MEF2A: variants seen among roughly 807,000 people sequenced by gnomAD.
MEF2A encodes the protein myocyte enhancer factor 2A.
Under a neutral mutation model 55.8 loss-of-function variants are expected in MEF2A, and 28 were observed. That is an observed-to-expected ratio of 0.50 (90% CI 0.37 to 0.69). MEF2A has a LOEUF of 0.69. Among genes scored for constraint, MEF2A ranks in the 30% least tolerant of loss-of-function variants. The pLI, the probability that MEF2A is intolerant of heterozygous loss-of-function variation, is 0.00. For synonymous variants in MEF2A, 239 were observed against 227.1 expected (o/e 1.05, Z -0.47); for missense variants, 528 against 626.2 (o/e 0.84, Z 1.67).
chr15:99,659,880 T>C (rs1244866453), intron 4 of MEF2A, among the ~76,000 whole-genome samples: 3 of 152,168 alleles, frequency 2.0e-5, no homozygotes, highest in Non-Finnish European at 4.4e-5. Context: ...ATTTAACAAA[T>C]GTAATAAAGA....
intron 7 of MEF2A, among the ~76,000 whole-genome samples, chr15:99,687,635 G>T (rs944329286): frequency 6.6e-6 from 1 of 152,096 alleles, no homozygotes; most frequent in African/African-American, 2.4e-5. Context: ...ATTTCAGACT[G>T]CTCAGTAGTT....
intron 4 of MEF2A, among the ~76,000 whole-genome samples, chr15:99,658,699 GCTATTTCCA>G (rs2048146303): frequency 6.6e-6 from 1 of 152,154 alleles, no homozygotes; most frequent in South Asian, 2.1e-4. Context: ...TCAAAAGAGT[GCTATTTCCA>G]AATAACAAAT....
At chr15:99,601,835 G>T (rs945330658) in intron 2 of MEF2A, among the ~76,000 whole-genome samples, 8 of 127,080 alleles carry the variant, frequency 6.3e-5, no homozygotes, top group African/African-American at 1.8e-4. Context: ...GTGTGTGTGT[G>T]TGTGTGTGTG....
At position 99,715,106 on chromosome 15, in the gene MEF2A, C is replaced by T. The variant is rs914962419; in HGVS notation, c.*2335C>T. On this transcript the variant is annotated 3_prime_UTR_variant, in exon 12 of 12. Coordinates refer to ENST00000557942, the MANE Select transcript of MEF2A (RefSeq NM_001319206.4). ...TACTTTACTGAACTACTTACAGGCA[C>T]ATTTCTTCATAAGGCCACACCTAAT... is the stretch of plus-strand genomic sequence containing the variant. 3 of 152,216 alleles carry T rather than the reference C, an allele frequency of 2.0e-5. No homozygotes were observed. Among genetic ancestry groups the T allele is most frequent in the East Asian group, 1.9e-4 (1 of 5,200 alleles). 9.4% of individuals were successfully genotyped at this position (152,216 alleles called of 1,614,324 possible). A position where few individuals can be genotyped will look rare whatever the true frequency, so the allele number is the denominator to read the frequency against.
At chr15:99,667,024 TTAATC>T (rs1258911719) in intron 4 of MEF2A, among the ~76,000 whole-genome samples, 18 of 152,190 alleles carry the variant, frequency 1.2e-4, no homozygotes, top group Non-Finnish European at 2.2e-4. Context: ...CGAATACAGA[TTAATC>T]AAATATTTTT....
chr15:99,709,279 T>C (rs1427822297), intron 10 of MEF2A, among the ~76,000 whole-genome samples: 1 of 152,200 alleles, frequency 6.6e-6, no homozygotes, highest in Non-Finnish European at 1.5e-5. Context: ...CCCATGGGCT[T>C]CTGCACGAGC....
intron 2 of MEF2A, among the ~76,000 whole-genome samples, chr15:99,609,847 A>G (rs1327159113): frequency 1.3e-4 from 20 of 152,254 alleles, no homozygotes; most frequent in African/African-American, 4.8e-5. Flanking sequence ...TTTTATTTAT[A>G]TATTTTATAA....
chr15:99,588,244 G>A (rs1176163441), intron 1 of MEF2A, among the ~76,000 whole-genome samples: 2 of 151,972 alleles, frequency 1.3e-5, no homozygotes, highest in African/African-American at 4.8e-5. Context: ...AGCCTCCTAA[G>A]TATTTGGGAC....
chr15:99,584,832 T>C (rs1361738215), intron 1 of MEF2A, among the ~76,000 whole-genome samples: 1 of 152,218 alleles, frequency 6.6e-6, no homozygotes, highest in East Asian at 1.9e-4. Context: ...TTTAAATGGG[T>C]GAATTGTATG....
intron 2 of MEF2A, among the ~76,000 whole-genome samples, chr15:99,610,468 G>A (rs1463860276): frequency 1.7e-5 from 2 of 116,886 alleles, no homozygotes; most frequent in Non-Finnish European, 3.2e-5. Flanking sequence ...AAACTCATAC[G>A]GAAATTGAAG....
At chr15:99,646,589 G>T (rs796118562) in intron 4 of MEF2A, among the ~76,000 whole-genome samples, 1 of 152,064 alleles carries the variant, frequency 6.6e-6, no homozygotes, top group African/African-American at 2.4e-5. Context: ...TTTCTTTGGT[G>T]AAAGTACTGA....
At chr15:99,604,034 A>G (rs1974237035) in intron 2 of MEF2A, among the ~76,000 whole-genome samples, 1 of 152,224 alleles carries the variant, frequency 6.6e-6, no homozygotes, top group South Asian at 2.1e-4. Context: ...GTTTCTGACA[A>G]AAAGTCTGCT....
chr15:99,596,642 T>C lies in MEF2A; in HGVS notation c.-224-1788T>C, dbSNP rs185191117. Among the ~76,000 whole-genome samples the C allele has an allele frequency of 3.3e-5, 5 of 152,326 alleles. No individual in the cohort carries two copies. In the East Asian group the frequency reaches 7.7e-4, roughly 23 times the overall value. On this transcript the variant is annotated intron_variant, in intron 1 of 11. Transcript: ENST00000557942. ...TTGATGAAATGGATTTACTTGGGGA[T>C]TGGTTGAATCACCGGATCATGCAAT...
chr15:99,663,316 A>G (rs71403456), intron 4 of MEF2A, among the ~76,000 whole-genome samples: 6,845 of 152,238 alleles, frequency 0.045, 170 homozygotes, highest in African/African-American at 0.059. Flanking sequence ...ACAGATGCCA[A>G]AGATTATAGT....
chr15:99,693,396 C>G (rs1390390573), intron 8 of MEF2A, among the ~76,000 whole-genome samples: 6 of 152,032 alleles, frequency 3.9e-5, no homozygotes, highest in Non-Finnish European at 7.4e-5. Context: ...AGGATAATTA[C>G]TACTGCCAAC....
intron 7 of MEF2A, among the ~76,000 whole-genome samples, chr15:99,677,487 T>A (rs1401439876): frequency 6.6e-6 from 1 of 151,968 alleles, no homozygotes; most frequent in Non-Finnish European, 1.5e-5. Context: ...AATACAAGAA[T>A]TAAGAAACTA....
intron 1 of MEF2A, among the ~76,000 whole-genome samples, chr15:99,589,052 A>G (rs767670135): frequency 6.6e-6 from 1 of 152,150 alleles, no homozygotes; most frequent in Admixed American, 6.6e-5. Flanking sequence ...TCATTTTGGT[A>G]TCAGGGTTAT....
At chr15:99,705,299 T>TC (rs758928804) in intron 9 of MEF2A, among the ~76,000 whole-genome samples, 1 of 152,232 alleles carries the variant, frequency 6.6e-6, no homozygotes, top group Non-Finnish European at 1.5e-5. Context: ...GTATCTTTTT[T>TC]CCCACCAGTT....
intron 4 of MEF2A, among the ~76,000 whole-genome samples, chr15:99,662,369 A>G (rs973509010): frequency 1.3e-5 from 2 of 152,238 alleles, no homozygotes; most frequent in African/African-American, 4.8e-5. Flanking sequence ...ATGTTTCAAA[A>G]TTGGAAATAA....
Sources: allele counts gnomAD v4.1 joint callset (sites outside exome capture counted in the v4.1 genomes callset), GRCh38; gene constraint gnomAD v4.1.1; transcripts MANE v1.5; gene names NCBI Gene and HGNC (gene_info 2026-07-23, HGNC 2026-07-21).